SYT1: variants seen among roughly 807,000 people sequenced by gnomAD.
The protein encoded by SYT1 is synaptotagmin-1.
Under a neutral mutation model 44.8 loss-of-function variants are expected in SYT1, and 8 were observed. The ratio of observed to expected loss-of-function variants is 0.18; its 90% CI spans 0.10 to 0.32. The LOEUF is 0.32. Among genes scored for constraint, SYT1 ranks in the 10% least tolerant of loss-of-function variants. The probability of loss-of-function intolerance (pLI) is 1.00; values close to 1 mark genes in which losing one functional copy is unlikely to be tolerated. For synonymous variants in SYT1, 154 were observed against 188.8 expected (o/e 0.82, Z 1.51); for missense variants, 286 against 509.3 (o/e 0.56, Z 4.22).
chr12:79,040,517 A>G (rs1009322119), intron 2 of SYT1, among the ~76,000 whole-genome samples: 1 of 151,994 alleles, frequency 6.6e-6, no homozygotes, highest in African/African-American at 2.4e-5. Context: ...TAGATTCTGG[A>G]TATTAGCCCT....
intron 9 of SYT1, among the ~76,000 whole-genome samples, chr12:79,436,584 T>C (rs748460018): frequency 6.6e-6 from 1 of 152,224 alleles, no homozygotes; most frequent in Non-Finnish European, 1.5e-5. Context: ...AAAAAGCGTT[T>C]AGTGGCTCCC....
intron 4 of SYT1, among the ~76,000 whole-genome samples, chr12:79,253,562 A>G (rs1023442068): frequency 2.0e-5 from 3 of 151,382 alleles, no homozygotes; most frequent in African/African-American, 7.3e-5. Flanking sequence ...AGACACAACA[A>G]TATTGAAATT....
intron 8 of SYT1, among the ~76,000 whole-genome samples, chr12:79,329,590 C>T (rs1461296860): frequency 2.0e-5 from 3 of 152,204 alleles, no homozygotes; most frequent in Non-Finnish European, 4.4e-5. Flanking sequence ...CATCTCATCT[C>T]ATTTAATCCT....
chr12:79,116,192 A>G (rs903576093), intron 3 of SYT1, among the ~76,000 whole-genome samples: 2 of 152,204 alleles, frequency 1.3e-5, no homozygotes, highest in African/African-American at 4.8e-5. Context: ...ATAGGTGGTA[A>G]AGAAAACTGG....
At chr12:78,893,649 A>G (rs1237025161) in intron 1 of SYT1, among the ~76,000 whole-genome samples, 3 of 151,814 alleles carry the variant, frequency 2.0e-5, no homozygotes, top group African/African-American at 7.2e-5. Context: ...AGGCCAGTAG[A>G]TGACAATATG....
intron 3 of SYT1, among the ~76,000 whole-genome samples, chr12:79,084,464 A>C (rs1877246531): frequency 6.6e-6 from 1 of 152,138 alleles, no homozygotes; most frequent in African/African-American, 2.4e-5. Context: ...CTATGTAAGG[A>C]GACCGAGACT....
intron 9 of SYT1, among the ~76,000 whole-genome samples, chr12:79,387,245 G>T (rs1361454565): frequency 6.6e-6 from 1 of 152,136 alleles, no homozygotes; most frequent in Non-Finnish European, 1.5e-5. Context: ...TGCACTTTCA[G>T]TTGAAGAGAC....
intron 2 of SYT1, among the ~76,000 whole-genome samples, chr12:78,985,368 G>A (rs1265394229): frequency 6.6e-6 from 1 of 151,786 alleles, no homozygotes; most frequent in Non-Finnish European, 1.5e-5. Context: ...GTAAGCAAGG[G>A]AGAATCTAAG....
At chr12:79,181,539 C>T (rs1220640116) in intron 3 of SYT1, among the ~76,000 whole-genome samples, 4 of 151,962 alleles carry the variant, frequency 2.6e-5, no homozygotes, top group African/African-American at 7.3e-5. Context: ...CCACTCTTCT[C>T]CATATCAACC....
chr12:78,932,349 A>G (rs1328143159), intron 1 of SYT1, among the ~76,000 whole-genome samples: 6 of 152,166 alleles, frequency 3.9e-5, no homozygotes, highest in African/African-American at 1.4e-4. Flanking sequence ...CAGTTTCCTC[A>G]TGCATATAAG....
At chr12:79,288,951 G>A (rs1444175568) in intron 5 of SYT1, among the ~76,000 whole-genome samples, 1 of 152,032 alleles carries the variant, frequency 6.6e-6, no homozygotes, top group Non-Finnish European at 1.5e-5. Flanking sequence ...CACATCAAGA[G>A]GCTGAACTAA....
intron 9 of SYT1, among the ~76,000 whole-genome samples, chr12:79,410,368 G>T (rs1196542704): frequency 1.3e-5 from 2 of 152,008 alleles, no homozygotes; most frequent in South Asian, 2.1e-4. Flanking sequence ...AGAATCAGGG[G>T]TGTTCAAGGG....
intron 1 of SYT1, among the ~76,000 whole-genome samples, chr12:78,938,004 A>T (rs1403114321): frequency 1.3e-5 from 2 of 152,192 alleles, no homozygotes; most frequent in African/African-American, 4.8e-5. Context: ...ATACAAAGGC[A>T]TGTGAAGGTG....
intron 3 of SYT1, among the ~76,000 whole-genome samples, chr12:79,092,942 A>C (rs1287600633): frequency 6.6e-6 from 1 of 151,784 alleles, no homozygotes; most frequent in African/African-American, 2.4e-5. Context: ...CATAATAACC[A>C]TAATTATTAC....
intron 2 of SYT1, among the ~76,000 whole-genome samples, chr12:79,003,523 A>G (rs1390971547): frequency 6.6e-6 from 1 of 152,060 alleles, no homozygotes; most frequent in Non-Finnish European, 1.5e-5. Context: ...TCACTGCAAG[A>G]TTAGAAAAAA....
chr12:79,428,654 A>C (rs954849494), intron 9 of SYT1, among the ~76,000 whole-genome samples: 1 of 152,142 alleles, frequency 6.6e-6, no homozygotes, highest in Non-Finnish European at 1.5e-5. Flanking sequence ...CTTTACCCAC[A>C]CTACCAGGTT....
At chr12:79,212,498 G>GA (rs5799420) in intron 3 of SYT1, among the ~76,000 whole-genome samples, 98,236 of 142,780 alleles carry the variant, frequency 0.69, 33,317 homozygotes, top group Admixed American at 0.72. Context: ...AAAGTAAAAT[G>GA]AAAAAAAAAA....
At position 79,299,380 on chromosome 12, in the gene SYT1, T is replaced by A. The variant is rs200731978; in HGVS notation, c.643-4T>A. 1.9e-5 allele frequency: 30 copies of A among 1,612,412 alleles called. No individual in the cohort carries two copies. In the East Asian group the frequency reaches 6.7e-4, roughly 36 times the overall value. ...ATATTTTATCCTCATGTCTTTTAATTTAGGTACCATACTCGGAATTGGGTG... is the reference window on the plus strand; with the variant it reads ...ATATTTTATCCTCATGTCTTTTAATATAGGTACCATACTCGGAATTGGGTG... On this transcript the variant is annotated splice_region_variant and splice_polypyrimidine_tract_variant and intron_variant, in intron 7 of 10. Coordinates refer to ENST00000261205, the MANE Select transcript of SYT1 (RefSeq NM_005639.3).
intron 1 of SYT1, among the ~76,000 whole-genome samples, chr12:78,913,416 A>T (rs1876457963): frequency 6.6e-6 from 1 of 151,580 alleles, no homozygotes; most frequent in Non-Finnish European, 1.5e-5. Context: ...ATAATGAAAT[A>T]TTAAATACTT....
Sources: gnomAD v4.1 joint callset for allele counts (sites outside exome capture counted in the v4.1 genomes callset) on GRCh38, gnomAD v4.1.1 for gene constraint, MANE v1.5 for transcripts, NCBI Gene and HGNC (gene_info 2026-07-23, HGNC 2026-07-21) for gene names.